ATP5IF1: variants seen among roughly 807,000 people sequenced by gnomAD.
The protein encoded by ATP5IF1 is ATPase inhibitor, mitochondrial.
In ATP5IF1, 12 loss-of-function variants were observed where a neutral mutation model predicts 8.5. That is an observed-to-expected ratio of 1.41 (90% CI 0.90 to 2.28). The LOEUF (loss-of-function observed/expected upper bound fraction) is 2.28, where lower values mean the gene tolerates loss of function less well. ATP5IF1 is among the 30% of genes most tolerant of loss of function. The probability of loss-of-function intolerance (pLI) is 0.00; values close to 1 mark genes in which losing one functional copy is unlikely to be tolerated. For missense variants in ATP5IF1, 154 were observed against 140.2 expected (o/e 1.10, Z -0.50); for synonymous variants, 51 against 53.4 (o/e 0.96, Z 0.19).
intron 1 of ATP5IF1, 28 bp from the exon 2 acceptor site, chr1:28,236,333 C>T (rs371524909): frequency 4.6e-5 from 74 of 1,614,096 alleles, no homozygotes; most frequent in Non-Finnish European, 6.1e-5. Context: ...GCTTCCGTAC[C>T]TTTACCAGTG....
At position 28,238,036 on chromosome 1, in the gene ATP5IF1, G is replaced by A. The variant is rs184882505; in HGVS notation, c.*58G>A. 86 of 1,520,638 alleles carry A rather than the reference G, an allele frequency of 5.7e-5. No homozygotes were observed. Among genetic ancestry groups the A allele is most frequent in the Non-Finnish European group, 7.5e-5 (85 of 1,126,716 alleles). 94.2% of individuals were successfully genotyped at this position (1,520,638 alleles called of 1,614,324 possible). On this transcript the variant is annotated 3_prime_UTR_variant, in exon 3 of 3. Transcript: ENST00000335514. ...CATTGCCCACTTCTGTGTAGACATG[G>A]TTCTGGTTTAACTAATATTTGTCTG...
intron 2 of ATP5IF1, chr1:28,237,394 C>A: frequency 9.3e-7 from 1 of 1,074,558 alleles, no homozygotes; most frequent in Non-Finnish European, 1.1e-6. Context: ...GCAAGAGACC[C>A]TTTATTGGCC....
chr1:28,236,522 C>T, intron 2 of ATP5IF1, 70 bp downstream of exon 2: 2 of 1,607,738 alleles, frequency 1.2e-6, no homozygotes, highest in Non-Finnish European at 1.7e-6. Flanking sequence ...AACTGCCAAT[C>T]GCCCCACCCG....
At chr1:28,236,564 C>T in intron 2 of ATP5IF1, 112 bp downstream of exon 2, 1 of 1,558,770 alleles carries the variant, frequency 6.4e-7, no homozygotes, top group Non-Finnish European at 8.7e-7. Flanking sequence ...GCCCCATCCC[C>T]CAACAGAACT....
At chr1:28,236,762 G>T (rs1328839324) in intron 2 of ATP5IF1, 1 of 1,293,234 alleles carries the variant, frequency 7.7e-7, no homozygotes, top group African/African-American at 1.5e-5. Context: ...TCCTCAGGTC[G>T]TGCGAAACAC....
chr1:28,236,598 CT>C (rs1276120040), intron 2 of ATP5IF1, 146 bp downstream of exon 2: 1 of 1,537,786 alleles, frequency 6.5e-7, no homozygotes, highest in East Asian at 2.4e-5. Context: ...CCAGTATACC[CT>C]AACCCTTGAT....
intron 2 of ATP5IF1, chr1:28,237,516 C>A: frequency 7.3e-7 from 1 of 1,364,984 alleles, no homozygotes; most frequent in Non-Finnish European, 9.4e-7. Flanking sequence ...TCATTTTGTT[C>A]CTTTTTTTTT....
chr1:28,236,495 T>TG (rs1272835259), intron 2 of ATP5IF1, 43 bp downstream of exon 2: 1 of 1,613,578 alleles, frequency 6.2e-7, no homozygotes, highest in African/African-American at 1.3e-5. Flanking sequence ...GATCTCCCAA[T>TG]GGCCTTCCAA....
Position 28,236,444 on chromosome 1 carries a change from A to G in ATP5IF1, c.171A>G (p.Arg57=). Residue 57 remains arginine, a synonymous_variant, in exon 2 of 3, where the codon CGA becomes CGG. Coordinates refer to ENST00000335514, the MANE Select transcript of ATP5IF1 (RefSeq NM_016311.5). The part of the protein sequence containing the change: ...FGKREQAEEE[R]YFRAQSREQL... ...AGAGAGAGCAGGCTGAAGAGGAACG[A>G]TATTTCCGGTGAGGCTCACCGGGTC... 1 of 1,614,144 alleles carries G rather than the reference A, an allele frequency of 6.2e-7. No individual in the cohort carries two copies. Among genetic ancestry groups the G allele is most frequent in the Non-Finnish European group, 8.5e-7 (1 of 1,180,026 alleles).
In ATP5IF1 at chr1:28,236,192, G is replaced by T. The variant is rs1647032620; in HGVS notation, c.9G>T (p.Val3=). 5.0e-6 allele frequency: 8 copies of T among 1,613,406 alleles called. No homozygotes were observed. Among genetic ancestry groups the T allele is most frequent in the Non-Finnish European group, 5.1e-6 (6 of 1,179,962 alleles). The stretch of plus-strand genomic sequence containing the variant: ...GTGCAGCTCCAGCAGCAATGGCAGT[G>T]ACGGCGTTGGCGGCGCGGACGTGGC... The part of the protein sequence containing the change: MA[V]TALAARTWLG... The change falls in exon 1 of 3, where the codon GTG becomes GTT. Residue 3 remains valine, a synonymous_variant. Coordinates refer to ENST00000335514, the MANE Select transcript of ATP5IF1 (RefSeq NM_016311.5).
rs1485020652 is a variant in ATP5IF1 at position 28,237,440 on chromosome 1, G to A, written c.180-397G>A. On this transcript the variant is annotated intron_variant, in intron 2 of 2. Coordinates refer to ENST00000335514, the MANE Select transcript of ATP5IF1 (RefSeq NM_016311.5). ...CCATTCATTTCTATAGGCAAAGAAAGCTCTAGACAGATTGGAATAGGAAAT... is the reference window on the plus strand; with the variant it reads ...CCATTCATTTCTATAGGCAAAGAAAACTCTAGACAGATTGGAATAGGAAAT... The A allele has an allele frequency of 1.2e-5, 15 of 1,203,616 alleles. No individual in the cohort carries two copies. The East Asian group carries it at 6.7e-4, about 54-fold the overall frequency. 74.6% of individuals were successfully genotyped at this position (1,203,616 alleles called of 1,614,324 possible). A position where few individuals can be genotyped will look rare whatever the true frequency, so the allele number is the denominator to read the frequency against.
In ATP5IF1 at chr1:28,237,937, C is replaced by G; in HGVS notation, c.280C>G (p.Arg94Gly). The G allele has an allele frequency of 6.2e-7, 1 of 1,613,440 alleles. No individual in the cohort carries two copies. The highest frequency in any genetic ancestry group is 8.5e-7 in the Non-Finnish European group (1 of 1,179,992). Residue 94 changes from arginine to glycine, a missense_variant, in exon 3 of 3, where the codon CGC (arginine) becomes GGC (glycine). Coordinates refer to ENST00000335514, the MANE Select transcript of ATP5IF1 (RefSeq NM_016311.5). Reference protein sequence around the residue: ...EIERLQKEIERHKQKIKMLKH... With the variant: ...EIERLQKEIEGHKQKIKMLKH... The stretch of plus-strand genomic sequence containing the variant: ...TGAGCGTCTGCAGAAAGAAATTGAG[C>G]GCCATAAGCAGAAGATCAAAATGCT...
rs1431505067 is a variant in ATP5IF1, at chr1:28,236,467, G to A, written c.179+15G>A. ...CGATATTTCCGGTGAGGCTCACCGGGTCCCAAGTCCAGCCCTGGATCTCCC... is the reference window on the plus strand; with the variant it reads ...CGATATTTCCGGTGAGGCTCACCGGATCCCAAGTCCAGCCCTGGATCTCCC... On this transcript the variant is annotated intron_variant, in intron 2 of 2. Coordinates refer to ENST00000335514, the MANE Select transcript of ATP5IF1 (RefSeq NM_016311.5). 6.8e-6 allele frequency: 11 copies of A among 1,614,112 alleles called. No homozygotes were observed. The highest frequency in any genetic ancestry group is 4.4e-5 in the South Asian group (4 of 91,080).
chr1:28,237,865 T>A lies in ATP5IF1; in HGVS notation c.208T>A (p.Leu70Met). 2.5e-6 allele frequency: 4 copies of A among 1,614,086 alleles called. No homozygotes were observed. The highest frequency in any genetic ancestry group is 3.4e-6 in the Non-Finnish European group (4 of 1,179,996). ...ACAGAGTAGAGAACAACTGGCAGCT[T>A]TGAAAAAACACCATGAAGAAGAAAT... ...RAQSREQLAA[L>M]KKHHEEEIVH... Residue 70 changes from leucine to methionine, a missense_variant, in exon 3 of 3, where the codon TTG (leucine) becomes ATG (methionine). Physicochemically the swap from Leu to Met is conservative, Grantham distance 15 (BLOSUM62 2). Coordinates refer to ENST00000335514, the MANE Select transcript of ATP5IF1 (RefSeq NM_016311.5).
chr1:28,237,385 C>G (rs1292646432), intron 2 of ATP5IF1: 1 of 1,065,022 alleles, frequency 9.4e-7, no homozygotes, highest in African/African-American at 1.7e-5. Flanking sequence ...ACTGCGCATG[C>G]AAGAGACCCT....
Position 28,237,852 on chromosome 1 carries a change from A to G in ATP5IF1, c.195A>G (p.Glu65=). 6.2e-7 allele frequency: 1 copy of G among 1,614,210 alleles called. No homozygotes were observed. Among genetic ancestry groups the G allele is most frequent in the Non-Finnish European group, 8.5e-7 (1 of 1,180,042 alleles). ...EERYFRAQSR[E]QLAALKKHHE... ...GTCCTTGTAGAGCACAGAGTAGAGA[A>G]CAACTGGCAGCTTTGAAAAAACACC... is the stretch of plus-strand genomic sequence containing the variant. The change falls in exon 3 of 3, where the codon GAA becomes GAG. Residue 65 remains glutamate (E), a synonymous_variant. Coordinates refer to ENST00000335514, the MANE Select transcript of ATP5IF1 (RefSeq NM_016311.5).
intron 2 of ATP5IF1, chr1:28,237,306 A>G: frequency 1.1e-5 from 11 of 1,000,478 alleles, no homozygotes; most frequent in Non-Finnish European, 1.3e-5. Flanking sequence ...AGGAAAACTG[A>G]GGCCTAAATG....
At chr1:28,237,332 T>C (rs1647046272) in intron 2 of ATP5IF1, 3 of 1,011,664 alleles carry the variant, frequency 3.0e-6, no homozygotes, top group African/African-American at 1.7e-5. Flanking sequence ...AAACCAACAT[T>C]GTAATCCAGT....
chr1:28,236,815 T>A, intron 2 of ATP5IF1: 2 of 1,193,238 alleles, frequency 1.7e-6, no homozygotes, highest in Non-Finnish European at 2.1e-6. Context: ...CCGCCCAACG[T>A]TTGCCTCCCA....
Sources: gnomAD v4.1 joint callset for allele counts on GRCh38, gnomAD v4.1.1 for gene constraint, MANE v1.5 for transcripts, NCBI Gene and HGNC (gene_info 2026-07-23, HGNC 2026-07-21) for gene names.